LRP1B: variants seen among roughly 807,000 people sequenced by gnomAD.
The protein encoded by LRP1B is low-density lipoprotein receptor-related protein 1B.
Under a neutral mutation model 556.6 loss-of-function variants are expected in LRP1B, and 217 were observed. The ratio of observed to expected loss-of-function variants is 0.39; its 90% confidence interval spans 0.35 to 0.44. The LOEUF (loss-of-function observed/expected upper bound fraction) is 0.44. LRP1B is among the 20% of genes least tolerant of loss of function. LRP1B has a pLI of 1.00. For missense variants in LRP1B, 5,053 were observed against 5,620.8 expected, an observed-to-expected ratio of 0.90 and a Z score of 3.23; for synonymous variants, 2,047 against 1,865.8, an observed-to-expected ratio of 1.10 and a Z score of -2.50.
intron 2 of LRP1B, among the ~76,000 whole-genome samples, chr2:141,695,918 G>A (rs1691720248): frequency 6.6e-6 from 1 of 151,788 alleles, no homozygotes; most frequent in African/African-American, 2.4e-5. Flanking sequence ...TGAAAATTCT[G>A]TTTATGGATT....
intron 18 of LRP1B, among the ~76,000 whole-genome samples, chr2:140,972,947 T>G (rs928507010): frequency 7.7e-5 from 7 of 90,324 alleles, no homozygotes; most frequent in African/African-American, 4.1e-4. Context: ...CTTTTTGATA[T>G]ATATATATAT....
At chr2:141,335,991 TTGTC>T (rs1687832922) in intron 3 of LRP1B, among the ~76,000 whole-genome samples, 1 of 152,068 alleles carries the variant, frequency 6.6e-6, no homozygotes, top group Non-Finnish European at 1.5e-5. Flanking sequence ...TGTGACTTCT[TTGTC>T]TGGGATTGTG....
intron 7 of LRP1B, among the ~76,000 whole-genome samples, chr2:141,119,310 C>T (rs1700984542): frequency 6.6e-6 from 1 of 151,868 alleles, no homozygotes; most frequent in Non-Finnish European, 1.5e-5. Flanking sequence ...TTCCAAATCC[C>T]CACAACGTTG....
chr2:140,462,191 G>T (rs1170459599), intron 60 of LRP1B, among the ~76,000 whole-genome samples: 1 of 151,966 alleles, frequency 6.6e-6, no homozygotes, highest in Non-Finnish European at 1.5e-5. Flanking sequence ...TTTTTTAAAA[G>T]AATTCTTGCT....
chr2:142,007,816 T>C (rs115330488), intron 1 of LRP1B, among the ~76,000 whole-genome samples: 3,330 of 152,284 alleles, frequency 0.022, 52 homozygotes, highest in East Asian at 0.049. Flanking sequence ...ATTCCCCAAT[T>C]TTATCACCAT....
At position 140,877,212 on chromosome 2, in the gene LRP1B, G is replaced by A. The variant is rs191608477; in HGVS notation, c.4169+6605C>T. On this transcript the variant is annotated intron_variant, in intron 25 of 90. Coordinates refer to ENST00000389484, the MANE Select transcript of LRP1B (RefSeq NM_018557.3). Reference sequence around the variant, plus strand: ...AAAGCCACATATATAAACGACTTTCGAAGCTGCCTACTGATGCATGGACTT... The same window carrying A: ...AAAGCCACATATATAAACGACTTTCAAAGCTGCCTACTGATGCATGGACTT... Among the ~76,000 whole-genome samples, 563 of 152,162 alleles carry A rather than the reference G, an allele frequency of 3.7e-3. 3 individuals carry two copies. The highest frequency in any genetic ancestry group is 5.8e-3 in the Non-Finnish European group (397 of 68,006).
chr2:141,893,905 G>A lies in LRP1B; in HGVS notation c.83-83504C>T, dbSNP rs536077461. On this transcript the variant is annotated intron_variant, in intron 1 of 90. Transcript: ENST00000389484. ...ATTTAAAAATCCCGCCTTTCTCTTC[G>A]TTTCTTCCTCTTTTTTCTTTTTTCT... Among the ~76,000 whole-genome samples the A allele has an allele frequency of 1.3e-4, 20 of 152,038 alleles. No homozygotes were observed. In the East Asian group the frequency reaches 1.7e-3, roughly 13 times the overall value.
intron 3 of LRP1B, among the ~76,000 whole-genome samples, chr2:141,444,727 G>GT (rs1160780959): frequency 6.6e-6 from 1 of 152,214 alleles, no homozygotes; most frequent in African/African-American, 2.4e-5. Flanking sequence ...GGTAAATTAT[G>GT]TTTATTGATT....
chr2:141,892,960 G>A (rs1430176738), intron 1 of LRP1B, among the ~76,000 whole-genome samples: 1 of 151,952 alleles, frequency 6.6e-6, no homozygotes, highest in African/African-American at 2.4e-5. Context: ...TGGTTCATTT[G>A]CTTTAGTGAT....
chr2:140,648,615 G>A (rs1025250721), intron 41 of LRP1B, among the ~76,000 whole-genome samples: 1 of 151,962 alleles, frequency 6.6e-6, no homozygotes, highest in South Asian at 2.1e-4. Flanking sequence ...AGAGGGTGGG[G>A]CCGGGTTCAG....
intron 84 of LRP1B, among the ~76,000 whole-genome samples, chr2:140,280,802 T>C (rs1408443613): frequency 3.3e-5 from 5 of 151,842 alleles, no homozygotes; most frequent in African/African-American, 9.7e-5. Context: ...AGATAGTCTA[T>C]ATATGGTAAG....
chr2:140,924,133 T>A (rs1289378614), intron 20 of LRP1B, among the ~76,000 whole-genome samples: 1 of 152,042 alleles, frequency 6.6e-6, no homozygotes, highest in Non-Finnish European at 1.5e-5. Flanking sequence ...TATATATAAT[T>A]ATGATTAATT....
intron 1 of LRP1B, among the ~76,000 whole-genome samples, chr2:141,856,138 T>G (rs1181785348): frequency 5.9e-5 from 9 of 152,308 alleles, no homozygotes; most frequent in Middle Eastern, 3.4e-3. Flanking sequence ...TGTTTTTCAT[T>G]TTATGCAACC....
intron 3 of LRP1B, among the ~76,000 whole-genome samples, chr2:141,398,974 G>A (rs1452512506): frequency 6.6e-6 from 1 of 152,160 alleles, no homozygotes; most frequent in East Asian, 1.9e-4. Context: ...GCCAAATTCC[G>A]ACTGGGCGCA....
At chr2:141,584,457 A>G (rs1687060447) in intron 2 of LRP1B, among the ~76,000 whole-genome samples, 1 of 152,182 alleles carries the variant, frequency 6.6e-6, no homozygotes, top group Non-Finnish European at 1.5e-5. Flanking sequence ...ATTTATGCAG[A>G]CGGAACACAG....
intron 9 of LRP1B, among the ~76,000 whole-genome samples, chr2:141,055,952 A>T (rs1699168980): frequency 1.3e-5 from 2 of 151,602 alleles, no homozygotes; most frequent in Non-Finnish European, 2.9e-5. Context: ...TATGGAGAGG[A>T]TGAGAAAAGA....
intron 45 of LRP1B, among the ~76,000 whole-genome samples, chr2:140,539,822 C>T (rs996003917): frequency 1.3e-4 from 20 of 152,062 alleles, no homozygotes; most frequent in Non-Finnish European, 2.1e-4. Flanking sequence ...ATTTGTGGCC[C>T]GAAATATGGA....
intron 1 of LRP1B, among the ~76,000 whole-genome samples, chr2:141,934,122 T>C (rs1404159836): frequency 1.3e-5 from 2 of 152,156 alleles, no homozygotes; most frequent in Non-Finnish European, 2.9e-5. Context: ...GTAGTTTATT[T>C]AGATATGAAA....
At chr2:140,353,597 T>A (rs186968444) in intron 75 of LRP1B, among the ~76,000 whole-genome samples, 2 of 152,196 alleles carry the variant, frequency 1.3e-5, no homozygotes, top group East Asian at 3.9e-4. Context: ...TTTCTACTCA[T>A]CTTTCAAGAT....
Sources: gnomAD v4.1 joint callset for allele counts (sites outside exome capture counted in the v4.1 genomes callset) on GRCh38, gnomAD v4.1.1 for gene constraint, MANE v1.5 for transcripts, NCBI Gene and HGNC (gene_info 2026-07-23, HGNC 2026-07-21) for gene names.